The following FRMD3 variants were observed in gnomAD, a reference collection of about 807,000 sequenced individuals.
The protein encoded by FRMD3 is FERM domain-containing protein 3.
FRMD3 carries 33 observed loss-of-function variants against 70.2 expected under a neutral mutation model. The ratio of observed to expected loss-of-function variants is 0.47; its 90% CI spans 0.36 to 0.63. FRMD3 has a LOEUF of 0.63. FRMD3 is among the 20% of genes least tolerant of loss of function. FRMD3 has a pLI of 0.00. For missense variants in FRMD3, 632 were observed against 711.4 expected, an observed-to-expected ratio of 0.89 and a Z score of 1.27; for synonymous variants, 279 against 255.9, an observed-to-expected ratio of 1.09 and a Z score of -0.86.
intron 1 of FRMD3, among the ~76,000 whole-genome samples, chr9:83,482,358 C>G (rs1048356577): frequency 2.0e-5 from 3 of 152,188 alleles, no homozygotes; most frequent in Non-Finnish European, 4.4e-5. Flanking sequence ...GTCTGTCTGT[C>G]AGGTGGTCAA....
intron 1 of FRMD3, among the ~76,000 whole-genome samples, chr9:83,479,720 G>GA (rs1241759336): frequency 3.6e-5 from 2 of 54,966 alleles, no homozygotes; most frequent in African/African-American, 2.1e-4. Context: ...AAGAAAGAAA[G>GA]AAAAGAAAGG....
chr9:83,358,676 T>G (rs980222457), intron 3 of FRMD3, among the ~76,000 whole-genome samples: 1 of 92,214 alleles, frequency 1.1e-5, no homozygotes, highest in African/African-American at 3.4e-5. Context: ...TCTTAAGTAT[T>G]TATTTATTTA....
At chr9:83,507,777 T>A (rs1052044002) in intron 1 of FRMD3, among the ~76,000 whole-genome samples, 2 of 137,678 alleles carry the variant, frequency 1.5e-5, no homozygotes, top group African/African-American at 2.7e-5. Context: ...CCAGGGGCTG[T>A]TTTACAGTTA....
intron 13 of FRMD3, among the ~76,000 whole-genome samples, chr9:83,288,104 T>C (rs1204775015): frequency 6.6e-6 from 1 of 152,218 alleles, no homozygotes. Flanking sequence ...TCATAGTGCA[T>C]GCACTCAAAA....
intron 1 of FRMD3, among the ~76,000 whole-genome samples, chr9:83,389,987 T>C (rs577430035): frequency 6.6e-6 from 1 of 152,306 alleles, no homozygotes; most frequent in Non-Finnish European, 1.5e-5. Context: ...ATTTAATTTG[T>C]CTAATGCTAT....
In FRMD3 at chr9:83,411,396, T is replaced by C. The variant is rs1826274021; in HGVS notation, c.148-21688A>G. 2.6e-5 allele frequency among the ~76,000 whole-genome samples: 4 copies of C among 152,156 alleles called. No homozygotes were observed. The South Asian group carries it at 8.3e-4, about 32-fold the overall frequency. ...AGCTAGAGAGAAAAGGAGGGGAGAT[T>C]CTATTGTTTTAGCTCAATCCACACC... On this transcript the variant is annotated intron_variant, in intron 1 of 13. Transcript: ENST00000304195.
intron 1 of FRMD3, among the ~76,000 whole-genome samples, chr9:83,453,147 C>T (rs7875000): frequency 0.019 from 2,875 of 152,242 alleles, 94 homozygotes; most frequent in African/African-American, 0.065. Context: ...TAAGCCACTG[C>T]ACCTGGCCTA....
At chr9:83,395,378 T>C (rs971072732) in intron 1 of FRMD3, among the ~76,000 whole-genome samples, 3 of 152,206 alleles carry the variant, frequency 2.0e-5, no homozygotes, top group South Asian at 2.1e-4. Context: ...AGGTTCGTTA[T>C]ACAGGTAAAC....
intron 2 of FRMD3, among the ~76,000 whole-genome samples, chr9:83,386,730 T>C (rs1450199992): frequency 6.6e-6 from 1 of 152,216 alleles, no homozygotes; most frequent in Non-Finnish European, 1.5e-5. Flanking sequence ...CCCACTACTA[T>C]ACTTGTCTAT....
At chr9:83,270,156 T>C (rs1833484813) in intron 13 of FRMD3, among the ~76,000 whole-genome samples, 1 of 152,236 alleles carries the variant, frequency 6.6e-6, no homozygotes, top group Non-Finnish European at 1.5e-5. Flanking sequence ...TTGAATACTG[T>C]TCCTGTTTCA....
intron 1 of FRMD3, among the ~76,000 whole-genome samples, chr9:83,404,437 C>T (rs1227037669): frequency 6.6e-6 from 1 of 152,106 alleles, no homozygotes; most frequent in Non-Finnish European, 1.5e-5. Flanking sequence ...ATCCAATCTA[C>T]CAGCTCTTTA....
chr9:83,349,674 A>C lies in FRMD3; in HGVS notation c.374+5T>G, dbSNP rs752704818. ...ACGTTAAACATACAAACAAACAAAA[A>C]ATACCTTGTGAGCTCTTCTTTAATC... On this transcript the variant is annotated splice_donor_5th_base_variant and intron_variant, in intron 4 of 13. Coordinates refer to ENST00000304195, the MANE Select transcript of FRMD3 (RefSeq NM_174938.6). 2 of 1,604,050 alleles carry C rather than the reference A, an allele frequency of 1.2e-6. No individual in the cohort carries two copies. The highest frequency in any genetic ancestry group is 2.7e-5 in the African/African-American group (2 of 74,796).
chr9:83,449,837 A>T (rs1260606761), intron 1 of FRMD3, among the ~76,000 whole-genome samples: 2 of 151,924 alleles, frequency 1.3e-5, no homozygotes, highest in Non-Finnish European at 1.5e-5. Flanking sequence ...AAGATTGGAA[A>T]CTCATGTATT....
chr9:83,541,939 TTTATTA>T (rs944415337), upstream of FRMD3, among the ~76,000 whole-genome samples: 2 of 152,068 alleles, frequency 1.3e-5, no homozygotes, highest in Admixed American at 6.5e-5. Flanking sequence ...TTTTTTATTT[TTTATTA>T]TTATTATTAT....
intron 12 of FRMD3, among the ~76,000 whole-genome samples, chr9:83,294,349 A>C (rs369828854): frequency 6.6e-6 from 1 of 152,166 alleles, no homozygotes; most frequent in South Asian, 2.1e-4. Flanking sequence ...ACCCTGGTCT[A>C]TGGTATTTTG....
intron 3 of FRMD3, among the ~76,000 whole-genome samples, chr9:83,352,770 G>T (rs1016758428): frequency 3.9e-5 from 6 of 152,148 alleles, no homozygotes; most frequent in African/African-American, 7.2e-5. Flanking sequence ...CCCTAGGATT[G>T]CCAGCTTCAT....
intron 1 of FRMD3, among the ~76,000 whole-genome samples, chr9:83,534,962 G>C (rs1468942057): frequency 6.6e-6 from 1 of 152,170 alleles, no homozygotes; most frequent in African/African-American, 2.4e-5. Flanking sequence ...TCCATGTCTG[G>C]AAATTTCATT....
chr9:83,458,107 C>T (rs966278351), intron 1 of FRMD3, among the ~76,000 whole-genome samples: 6 of 151,574 alleles, frequency 4.0e-5, no homozygotes, highest in African/African-American at 1.5e-4. Flanking sequence ...GCCACTGGCT[C>T]CTTGTCTATT....
At chr9:83,467,773 G>T in intron 1 of FRMD3, 1 of 1,436,190 alleles carries the variant, frequency 7.0e-7, no homozygotes, top group Non-Finnish European at 9.2e-7. Context: ...TTTGAATACT[G>T]CATTGTTTAC....
Sources: allele counts gnomAD v4.1 joint callset (sites outside exome capture counted in the v4.1 genomes callset), GRCh38; gene constraint gnomAD v4.1.1; transcripts MANE v1.5; gene names NCBI Gene and HGNC (gene_info 2026-07-23, HGNC 2026-07-21).